FBXO11: variants seen among roughly 807,000 people sequenced by gnomAD.
The protein encoded by FBXO11 is F-box only protein 11.
In FBXO11, 13 loss-of-function variants were observed where a neutral mutation model predicts 117.0. That is an observed-to-expected ratio of 0.11 (90% CI 0.07 to 0.18). The LOEUF (loss-of-function observed/expected upper bound fraction) is 0.18. Among genes scored for constraint, FBXO11 ranks in the 10% least tolerant of loss-of-function variants. The pLI, the probability that FBXO11 is intolerant of heterozygous loss-of-function variation, is 1.00. For synonymous variants in FBXO11, 490 were observed against 380.5 expected (o/e 1.29, Z -3.35); for missense variants, 767 against 1,164.4 (o/e 0.66, Z 4.97).
chr2:47,889,456 G>C (rs1011096340), intron 1 of FBXO11, among the ~76,000 whole-genome samples: 1 of 152,032 alleles, frequency 6.6e-6, no homozygotes. Flanking sequence ...TTTTCTCTTG[G>C]TTTAGGTTTA....
intron 1 of FBXO11, among the ~76,000 whole-genome samples, chr2:47,888,353 C>T (rs943398546): frequency 3.9e-5 from 6 of 152,120 alleles, no homozygotes; most frequent in African/African-American, 1.4e-4. Flanking sequence ...GACAGTGGTT[C>T]CTTCTATTTC....
intron 3 of FBXO11, 35 bp downstream of exon 3, chr2:47,839,384 T>C: frequency 6.4e-7 from 1 of 1,566,036 alleles, no homozygotes; most frequent in South Asian, 1.2e-5. Context: ...AAAAAAATTA[T>C]TTTACCCTAT....
At chr2:47,901,164 T>TGCGTACATATGGGTAC (rs747208605) in intron 1 of FBXO11, among the ~76,000 whole-genome samples, 1 of 129,054 alleles carries the variant, frequency 7.7e-6, no homozygotes, top group Non-Finnish European at 1.8e-5. Flanking sequence ...CATATATACA[T>TGCGTACATATGGGTAC]ATATATGTAT....
chr2:47,827,299 A>C (rs1468031432), intron 11 of FBXO11, among the ~76,000 whole-genome samples: 1 of 152,026 alleles, frequency 6.6e-6, no homozygotes, highest in Non-Finnish European at 1.5e-5. Context: ...TTTTGCTTCA[A>C]GATTTTTTTG....
intron 1 of FBXO11, among the ~76,000 whole-genome samples, chr2:47,848,384 AC>A (rs1673585640): frequency 6.6e-6 from 1 of 152,122 alleles, no homozygotes. Flanking sequence ...TAGGTTGTGC[AC>A]TTCTTATGAG....
At chr2:47,824,867 T>G (rs1487410504) in intron 11 of FBXO11, among the ~76,000 whole-genome samples, 1 of 152,220 alleles carries the variant, frequency 6.6e-6, no homozygotes, top group South Asian at 2.1e-4. Context: ...AAATGCAGAC[T>G]GAATATTAAG....
intron 1 of FBXO11, among the ~76,000 whole-genome samples, chr2:47,874,887 TA>T (rs1675887365): frequency 6.7e-6 from 1 of 150,230 alleles, no homozygotes. Flanking sequence ...TTTTTTTTTT[TA>T]AAGCAAAAAG....
intron 18 of FBXO11, 101 bp from the exon 19 acceptor site, chr2:47,810,527 A>C: frequency 1.6e-6 from 1 of 641,882 alleles, no homozygotes; most frequent in Non-Finnish European, 2.5e-6. Context: ...ATTTAACTGC[A>C]TGGTAAAATT....
At chr2:47,901,151 GTACATATA>G (rs1475558358) in intron 1 of FBXO11, among the ~76,000 whole-genome samples, 2 of 124,422 alleles carry the variant, frequency 1.6e-5, no homozygotes, top group South Asian at 2.6e-4. Context: ...ACACACGTGT[GTACATATA>G]TACATATATA....
At chr2:47,871,847 CT>C (rs1378087650) in intron 1 of FBXO11, among the ~76,000 whole-genome samples, 3 of 152,192 alleles carry the variant, frequency 2.0e-5, no homozygotes, top group Non-Finnish European at 2.9e-5. Context: ...GAGCAATGTG[CT>C]TTTAAAGTTC....
chr2:47,894,571 A>G lies in FBXO11; in HGVS notation c.232+10918T>C, dbSNP rs146709362. On this transcript the variant is annotated intron_variant, in intron 1 of 22. Coordinates refer to ENST00000403359, the MANE Select transcript of FBXO11 (RefSeq NM_001190274.2). ...TTTTTAAAATTCTTAAATACAAAAA[A>G]GATGTCTTCCACTCCTCAAAGCAAC... Among the ~76,000 whole-genome samples the G allele has an allele frequency of 4.5e-4, 69 of 152,296 alleles. 1 individual carries two copies. Among genetic ancestry groups the G allele is most frequent in the African/African-American group, 1.5e-3 (64 of 41,568 alleles).
rs79846855 is a variant in FBXO11 at position 47,812,683 on chromosome 2, G to T, written c.2227+551C>A. On this transcript the variant is annotated intron_variant, in intron 18 of 22. Coordinates refer to ENST00000403359, the MANE Select transcript of FBXO11 (RefSeq NM_001190274.2). ...TATTGACATTTCAGGAACAGCGATA[G>T]ATTTGCATTTGGCAGCTCTGTGAAT... Among the ~76,000 whole-genome samples the T allele has an allele frequency of 1.1e-3, 163 of 152,324 alleles. No individual in the cohort carries two copies. The East Asian group carries it at 0.026, about 24-fold the overall frequency.
At chr2:47,879,884 T>G (rs1676308663) in intron 1 of FBXO11, among the ~76,000 whole-genome samples, 1 of 152,228 alleles carries the variant, frequency 6.6e-6, no homozygotes, top group Non-Finnish European at 1.5e-5. Flanking sequence ...TGGCTTTCAC[T>G]TAGTGTAATT....
chr2:47,813,440 T>TTTG (rs1481362798), intron 17 of FBXO11, 63 bp from the exon 18 acceptor site: 19 of 1,053,146 alleles, frequency 1.8e-5, no homozygotes, highest in Non-Finnish European at 2.3e-5. Flanking sequence ...TTTTTTTTTT[T>TTTG]TTTTTTTTGA....
intron 20 of FBXO11, 32 bp downstream of exon 20, chr2:47,809,566 CAT>C (rs780405624): frequency 1.4e-6 from 2 of 1,420,884 alleles, no homozygotes; most frequent in South Asian, 2.4e-5. Context: ...TGGCATATTG[CAT>C]ATATTTATAG....
chr2:47,848,423 G>A (rs1673588900), intron 1 of FBXO11, among the ~76,000 whole-genome samples: 2 of 152,288 alleles, frequency 1.3e-5, no homozygotes, highest in Middle Eastern at 6.8e-3. Flanking sequence ...CATGTCTGAT[G>A]ATCTGAGGTG....
intron 1 of FBXO11, among the ~76,000 whole-genome samples, chr2:47,844,646 T>C (rs1673270092): frequency 6.6e-6 from 1 of 152,194 alleles, no homozygotes; most frequent in Non-Finnish European, 1.5e-5. Flanking sequence ...TCTTAATGCG[T>C]ATTTCTTTTG....
intron 1 of FBXO11, among the ~76,000 whole-genome samples, chr2:47,891,871 G>T (rs1208357979): frequency 6.6e-6 from 1 of 152,100 alleles, no homozygotes; most frequent in African/African-American, 2.4e-5. Context: ...GATGATTAAT[G>T]ATGTTGAGTC....
At chr2:47,821,430 GAA>G (rs1366139837) in intron 13 of FBXO11, among the ~76,000 whole-genome samples, 1 of 152,082 alleles carries the variant, frequency 6.6e-6, no homozygotes, top group Non-Finnish European at 1.5e-5. Flanking sequence ...CTAACATGGT[GAA>G]ACCCCGTCTC....
Sources: gnomAD v4.1 joint callset for allele counts (sites outside exome capture counted in the v4.1 genomes callset) on GRCh38, gnomAD v4.1.1 for gene constraint, MANE v1.5 for transcripts, NCBI Gene and HGNC (gene_info 2026-07-23, HGNC 2026-07-21) for gene names.